PDE6C: variants seen among roughly 807,000 people sequenced by gnomAD.
The protein encoded by PDE6C is cone cGMP-specific 3',5'-cyclic phosphodiesterase subunit alpha'.
PDE6C carries 75 observed loss-of-function variants against 113.1 expected under a neutral mutation model. The observed-to-expected ratio is 0.66, with a 90% CI of 0.55 to 0.80. The LOEUF (loss-of-function observed/expected upper bound fraction) is 0.80. PDE6C is among the 30% of genes least tolerant of loss of function. The pLI is 0.00. For missense variants in PDE6C, 912 were observed against 1,038.6 expected, an observed-to-expected ratio of 0.88 and a Z score of 1.67; for synonymous variants, 375 against 363.7, an observed-to-expected ratio of 1.03 and a Z score of -0.35.
intron 9 of PDE6C, among the ~76,000 whole-genome samples, chr10:93,635,268 T>C (rs2134606762): frequency 6.6e-6 from 1 of 152,270 alleles, no homozygotes; most frequent in South Asian, 2.1e-4. Context: ...ATACTGGTGT[T>C]GGTAACACCT....
chr10:93,639,030 A>T (rs188533734), intron 11 of PDE6C, among the ~76,000 whole-genome samples: 15 of 152,334 alleles, frequency 9.8e-5, no homozygotes, highest in African/African-American at 3.1e-4. Flanking sequence ...TCCTCAGTGC[A>T]CTAGTAAGGA....
chr10:93,629,209 G>T lies in PDE6C; in HGVS notation c.1072-49G>T, dbSNP rs548300315. ...CTTATTCTGCTTTGTGGATCAAGAGGGCTCCACTACACAATATTTCAGACC... is the reference window on the plus strand; with the variant it reads ...CTTATTCTGCTTTGTGGATCAAGAGTGCTCCACTACACAATATTTCAGACC... On this transcript the variant is annotated intron_variant, in intron 7 of 21. Transcript: ENST00000371447. 17 of 1,381,520 alleles carry T rather than the reference G, an allele frequency of 1.2e-5. No individual in the cohort carries two copies. The South Asian group carries it at 1.8e-4, about 15-fold the overall frequency. 85.6% of individuals were successfully genotyped at this position (1,381,520 alleles called of 1,614,324 possible). A position where few individuals can be genotyped will look rare whatever the true frequency, so the allele number is the denominator to read the frequency against.
At chr10:93,636,370 G>GTGTT (rs1554890068) in intron 10 of PDE6C, among the ~76,000 whole-genome samples, 2 of 84,962 alleles carry the variant, frequency 2.4e-5, no homozygotes, top group Non-Finnish European at 5.6e-5. Context: ...CCCTGGCTTT[G>GTGTT]TGTGTGTGTG....
chr10:93,635,969 C>T (rs1004095790), intron 10 of PDE6C, among the ~76,000 whole-genome samples: 60 of 152,184 alleles, frequency 3.9e-4, no homozygotes, highest in African/African-American at 1.3e-3. Flanking sequence ...ACAACCCTAA[C>T]GCCTCAGTGT....
At chr10:93,637,094 G>A in intron 11 of PDE6C, 31 bp downstream of exon 11, 1 of 1,068,550 alleles carries the variant, frequency 9.4e-7, no homozygotes, top group Non-Finnish European at 1.5e-6. Flanking sequence ...CTTAATGCCT[G>A]TTAAATAGAG....
chr10:93,634,943 A>G (rs750581176), intron 9 of PDE6C, 36 bp downstream of exon 9: 6 of 1,608,344 alleles, frequency 3.7e-6, no homozygotes, highest in Non-Finnish European at 3.4e-6. Flanking sequence ...AGTCAATGCA[A>G]TTCACAAAAT....
At chr10:93,658,085 C>T (rs2058647214) in intron 16 of PDE6C, among the ~76,000 whole-genome samples, 1 of 144,166 alleles carries the variant, frequency 6.9e-6, no homozygotes, top group African/African-American at 2.6e-5. Flanking sequence ...TGGGAGGATC[C>T]CTTAAGCCTA....
intron 1 of PDE6C, among the ~76,000 whole-genome samples, chr10:93,614,298 GA>G (rs1464761428): frequency 1.3e-5 from 2 of 152,190 alleles, no homozygotes; most frequent in Non-Finnish European, 2.9e-5. Flanking sequence ...ACGGACCCAA[GA>G]GGTGTGGAAG....
intron 5 of PDE6C, among the ~76,000 whole-genome samples, chr10:93,626,168 C>T (rs1037748098): frequency 7.2e-5 from 11 of 152,112 alleles, no homozygotes; most frequent in African/African-American, 2.4e-4. Context: ...GCAGTGAAAC[C>T]TCCTGTTTCT....
chr10:93,659,048 A>G (rs757628428), intron 17 of PDE6C, 40 bp downstream of exon 17: 4 of 1,576,318 alleles, frequency 2.5e-6, no homozygotes, highest in South Asian at 2.2e-5. Context: ...GTTTTTTGTA[A>G]AAATAACTTA....
chr10:93,622,661 TG>T (rs765699846), intron 4 of PDE6C, among the ~76,000 whole-genome samples: 7,428 of 72,588 alleles, frequency 0.1, 478 homozygotes, highest in African/African-American at 0.24. Context: ...TTTTTTTTTT[TG>T]TTGTTTTTTT....
intron 8 of PDE6C, among the ~76,000 whole-genome samples, chr10:93,630,551 C>G (rs2058496230): frequency 6.6e-6 from 1 of 152,126 alleles, no homozygotes; most frequent in African/African-American, 2.4e-5. Flanking sequence ...TTTTCTGCCT[C>G]TGGGCACTTG....
At chr10:93,615,803 G>A (rs1479237072) in intron 1 of PDE6C, among the ~76,000 whole-genome samples, 1 of 152,192 alleles carries the variant, frequency 6.6e-6, no homozygotes, top group African/African-American at 2.4e-5. Flanking sequence ...ATCAGCTGTG[G>A]AATATTAGAG....
At chr10:93,645,824 A>C in intron 14 of PDE6C, 136 bp from the exon 15 acceptor site, 2 of 665,414 alleles carry the variant, frequency 3.0e-6, no homozygotes, top group Non-Finnish European at 5.5e-6. Context: ...AATCTTTTCC[A>C]ATATGTTATT....
intron 5 of PDE6C, 55 bp from the exon 6 acceptor site, chr10:93,626,585 A>G (rs564912336): frequency 1.1e-5 from 11 of 1,034,644 alleles, no homozygotes; most frequent in Middle Eastern, 4.6e-4. Context: ...CCCCAATGAA[A>G]AATGATTTCT....
chr10:93,665,269 C>T (rs2058684926), intron 21 of PDE6C, 91 bp from the exon 22 acceptor site: 1 of 983,076 alleles, frequency 1.0e-6, no homozygotes, highest in African/African-American at 1.6e-5. Context: ...AATTAGTCTA[C>T]AAAGTTGACA....
intron 21 of PDE6C, 95 bp downstream of exon 21, chr10:93,663,273 A>T: frequency 8.0e-7 from 1 of 1,246,830 alleles, no homozygotes; most frequent in Non-Finnish European, 1.2e-6. Flanking sequence ...CACCACAAAC[A>T]GAAAACCTGC....
rs577680300 is a variant in PDE6C, at chr10:93,636,579, T to C, written c.1414-416T>C. On this transcript the variant is annotated intron_variant, in intron 10 of 21. Transcript: ENST00000371447. Reference sequence around the variant, plus strand: ...AAATAAATGTAAGCCACTCATTTTTTCTTTCCTACATGCAAACAACCCACA... The same window carrying C: ...AAATAAATGTAAGCCACTCATTTTTCCTTTCCTACATGCAAACAACCCACA... Among the ~76,000 whole-genome samples, 13 of 152,190 alleles carry C rather than the reference T, an allele frequency of 8.5e-5. No homozygotes were observed. In the East Asian group the frequency reaches 2.5e-3, roughly 29 times the overall value.
At chr10:93,653,371 G>A (rs1166141249) in intron 15 of PDE6C, among the ~76,000 whole-genome samples, 21 of 152,122 alleles carry the variant, frequency 1.4e-4, no homozygotes, top group Admixed American at 1.2e-3. Flanking sequence ...GTCCAGGCAC[G>A]GTGGCTCATG....
Sources: gnomAD v4.1 joint callset for allele counts (sites outside exome capture counted in the v4.1 genomes callset) on GRCh38, gnomAD v4.1.1 for gene constraint, MANE v1.5 for transcripts, NCBI Gene and HGNC (gene_info 2026-07-23, HGNC 2026-07-21) for gene names.